The following CUX2 variants were observed in gnomAD, a reference collection of about 807,000 sequenced individuals.
The protein encoded by CUX2 is homeobox protein cut-like 2.
CUX2 carries 40 observed loss-of-function variants against 144.8 expected under a neutral mutation model. That is an observed-to-expected ratio of 0.28 (90% CI 0.21 to 0.36). The LOEUF is 0.36. Ranked by LOEUF, CUX2 falls within the 10% of genes least tolerant of loss-of-function variation. The pLI is 1.00. For missense variants in CUX2, 1,615 were observed against 1,994.0 expected (o/e 0.81, Z 3.62); for synonymous variants, 827 against 875.6 (o/e 0.94, Z 0.98).
intron 3 of CUX2, among the ~76,000 whole-genome samples, chr12:111,257,837 TC>T (rs1240580597): frequency 6.6e-6 from 1 of 151,934 alleles, no homozygotes; most frequent in African/African-American, 2.4e-5. Context: ...TCAAGGGTGT[TC>T]CTGTCATAGG....
intron 1 of CUX2, among the ~76,000 whole-genome samples, chr12:111,066,373 A>G (rs2136025800): frequency 6.6e-6 from 1 of 152,286 alleles, no homozygotes; most frequent in East Asian, 1.9e-4. Flanking sequence ...AGTCCTCTCA[A>G]TGTAATGAAA....
intron 1 of CUX2, among the ~76,000 whole-genome samples, chr12:111,141,977 A>G (rs1365220059): frequency 6.6e-6 from 1 of 152,064 alleles, no homozygotes; most frequent in East Asian, 1.9e-4. Context: ...CCAGCTACTC[A>G]GGAGGCTGAG....
chr12:111,230,794 T>G (rs1242691771), intron 3 of CUX2, among the ~76,000 whole-genome samples: 3 of 152,214 alleles, frequency 2.0e-5, no homozygotes, highest in Non-Finnish European at 4.4e-5. Context: ...GGAGGAGCCC[T>G]GATCTGTAGC....
intron 1 of CUX2, among the ~76,000 whole-genome samples, chr12:111,197,402 G>T (rs1368048333): frequency 2.0e-5 from 3 of 152,220 alleles, no homozygotes; most frequent in African/African-American, 4.8e-5. Flanking sequence ...TAGACTGTCA[G>T]CATCACACAG....
At chr12:111,078,744 A>AG (rs1371177086) in intron 1 of CUX2, among the ~76,000 whole-genome samples, 5 of 152,214 alleles carry the variant, frequency 3.3e-5, no homozygotes, top group Non-Finnish European at 5.9e-5. Flanking sequence ...GGTTTTGAAC[A>AG]GGGGGGTGGC....
At chr12:111,244,379 C>A (rs932424743) in intron 3 of CUX2, among the ~76,000 whole-genome samples, 4 of 152,192 alleles carry the variant, frequency 2.6e-5, no homozygotes, top group Non-Finnish European at 4.4e-5. Context: ...GTGCTTGTCC[C>A]GTCCTCTGGG....
At chr12:111,229,119 G>A (rs1592860155) in intron 3 of CUX2, among the ~76,000 whole-genome samples, 1 of 152,196 alleles carries the variant, frequency 6.6e-6, no homozygotes, top group East Asian at 1.9e-4. Context: ...CAATTAAGAT[G>A]ATTATGACTC....
intron 1 of CUX2, among the ~76,000 whole-genome samples, chr12:111,133,726 T>G (rs1386875990): frequency 6.6e-6 from 1 of 152,134 alleles, no homozygotes; most frequent in Non-Finnish European, 1.5e-5. Context: ...GGCGGGGGTC[T>G]TTAGGAGACT....
chr12:111,125,999 AT>A (rs1875041258), intron 1 of CUX2, among the ~76,000 whole-genome samples: 1 of 150,508 alleles, frequency 6.6e-6, no homozygotes, highest in South Asian at 2.1e-4. Context: ...AGAAAAACAG[AT>A]TCAACACGAT....
At position 111,255,102 on chromosome 12, in the gene CUX2, G is replaced by T. The variant is rs1428795677; in HGVS notation, c.223-8659G>T. ...TCCCTCCGCCTCGGCCTCCCAAAGT[G>T]CTGGGATTACAGGCGTGAGCCACCG... On this transcript the variant is annotated intron_variant, in intron 3 of 21. Coordinates refer to ENST00000261726, the MANE Select transcript of CUX2 (RefSeq NM_015267.4). The surrounding 1 kb of genome is among the most constrained non-coding windows in gnomAD (Gnocchi z 4.1). Among the ~76,000 whole-genome samples, 1 of 152,178 alleles carries T rather than the reference G, an allele frequency of 6.6e-6. No individual in the cohort carries two copies. Among genetic ancestry groups the T allele is most frequent in the Non-Finnish European group, 1.5e-5 (1 of 68,042 alleles).
rs150640368 is a variant in CUX2, at chr12:111,287,693, G to A, written c.302-3725G>A. Among the ~76,000 whole-genome samples, 705 of 152,332 alleles carry A rather than the reference G, an allele frequency of 4.6e-3. 3 individuals carry two copies. Among genetic ancestry groups the A allele is most frequent in the Non-Finnish European group, 7.5e-3 (511 of 68,024 alleles). ...CTAATGACGGGGCGTGGGGGCTGCC[G>A]GCAGATGAAAGCCACCGCCGCCTTC... On this transcript the variant is annotated intron_variant, in intron 4 of 21. Transcript: ENST00000261726. This position sits in a 1 kb window ranked among gnomAD's most constrained non-coding sequence, Gnocchi z 4.2.
chr12:111,299,311 T>C (rs7300082), intron 9 of CUX2, among the ~76,000 whole-genome samples: 20,592 of 152,232 alleles, frequency 0.14, 1,882 homozygotes, highest in African/African-American at 0.25. Flanking sequence ...GGAAGACATT[T>C]TGAAGCTGGG....
At chr12:111,151,588 G>A (rs1017108670) in intron 1 of CUX2, among the ~76,000 whole-genome samples, 2 of 152,228 alleles carry the variant, frequency 1.3e-5, no homozygotes, top group African/African-American at 4.8e-5. Flanking sequence ...CTGAATGCGT[G>A]GAGGGCAGAC....
chr12:111,158,178 C>T (rs1251287648), intron 1 of CUX2, among the ~76,000 whole-genome samples: 2 of 152,080 alleles, frequency 1.3e-5, no homozygotes, highest in Non-Finnish European at 2.9e-5. Context: ...GGGATAGTCC[C>T]CTTCCCCCTC....
chr12:111,175,927 C>G (rs1333255360), intron 1 of CUX2, among the ~76,000 whole-genome samples: 1 of 151,858 alleles, frequency 6.6e-6, no homozygotes, highest in East Asian at 1.9e-4. Flanking sequence ...GATCTCCTAC[C>G]TCTGTCTCTA....
At chr12:111,276,795 G>A (rs1022926898) in intron 4 of CUX2, among the ~76,000 whole-genome samples, 1 of 152,024 alleles carries the variant, frequency 6.6e-6, no homozygotes, top group African/African-American at 2.4e-5. Context: ...CTACAGGCGC[G>A]AGCCACCATG....
At chr12:111,265,415 C>T (rs1004439907) in intron 4 of CUX2, among the ~76,000 whole-genome samples, 4 of 151,660 alleles carry the variant, frequency 2.6e-5, no homozygotes, top group African/African-American at 9.7e-5. Flanking sequence ...GATCTCAGCT[C>T]ACTGCAACCT....
chr12:111,048,866 G>T (rs1489317991), intron 1 of CUX2, among the ~76,000 whole-genome samples: 8 of 152,088 alleles, frequency 5.3e-5, no homozygotes, highest in East Asian at 1.9e-4. Context: ...GGAATAAAGA[G>T]AACTTTTTCA....
Position 111,322,340 on chromosome 12 carries a change from A to T in CUX2, c.2767-81A>T, listed in dbSNP as rs1887577645. 1.5e-6 allele frequency: 2 copies of T among 1,316,366 alleles called. No homozygotes were observed. Among genetic ancestry groups the T allele is most frequent in the Admixed American group, 5.9e-5 (2 of 33,754 alleles). The allele number at this position is 1,316,366 out of a possible 1,614,324, so 81.5% of individuals were successfully genotyped here. A position where few individuals can be genotyped will look rare whatever the true frequency, so the allele number is the denominator to read the frequency against. On this transcript the variant is annotated intron_variant, in intron 17 of 21. Transcript: ENST00000261726. This position sits in a 1 kb window ranked among gnomAD's most constrained non-coding sequence, Gnocchi z 4.2. ...CTGCCTCAAAAAAAAAAAAAAAAAA[A>T]AAAAGGTTGGGGAGGAGAGTGAGGG... is the stretch of plus-strand genomic sequence containing the variant.
Sources: gnomAD v4.1 joint callset for allele counts (sites outside exome capture counted in the v4.1 genomes callset) on GRCh38, gnomAD v4.1.1 for gene constraint, Gnocchi (gnomAD v3.1) non-coding constraint, MANE v1.5 for transcripts, NCBI Gene and HGNC (gene_info 2026-07-23, HGNC 2026-07-21) for gene names.